CNTNAP2: variants seen among roughly 807,000 people sequenced by gnomAD.
CNTNAP2 encodes the protein contactin associated protein 2, also known as contactin-associated protein-like 2.
In CNTNAP2, 98 loss-of-function variants were observed where a neutral mutation model predicts 155.2. The observed-to-expected ratio is 0.63, with a 90% CI of 0.54 to 0.75. The LOEUF (loss-of-function observed/expected upper bound fraction) is 0.75. Among genes scored for constraint, CNTNAP2 ranks in the 30% least tolerant of loss-of-function variants. The pLI, the probability that CNTNAP2 is intolerant of heterozygous loss-of-function variation, is 0.00. For synonymous variants in CNTNAP2, 651 were observed against 631.2 expected, an observed-to-expected ratio of 1.03 and a Z score of -0.47; for missense variants, 1,727 against 1,688.1, an observed-to-expected ratio of 1.02 and a Z score of -0.40.
At chr7:146,349,061 C>T (rs1171347499) in intron 1 of CNTNAP2, among the ~76,000 whole-genome samples, 1 of 151,974 alleles carries the variant, frequency 6.6e-6, no homozygotes, top group Non-Finnish European at 1.5e-5. Context: ...AGTAAGTTAC[C>T]ACAAGGCCTG....
At chr7:146,454,772 CATAG>C (rs969150832) in intron 1 of CNTNAP2, among the ~76,000 whole-genome samples, 13 of 151,632 alleles carry the variant, frequency 8.6e-5, no homozygotes, top group Non-Finnish European at 1.5e-4. Flanking sequence ...TAGATTAGAT[CATAG>C]ATAGATAATA....
intron 1 of CNTNAP2, among the ~76,000 whole-genome samples, chr7:146,723,905 T>C (rs1294603981): frequency 6.6e-6 from 1 of 152,234 alleles, no homozygotes; most frequent in Non-Finnish European, 1.5e-5. Flanking sequence ...AGATAAAATA[T>C]GGAGGTCCCC....
chr7:146,242,262 G>A (rs1042362134), intron 1 of CNTNAP2, among the ~76,000 whole-genome samples: 16 of 152,028 alleles, frequency 1.1e-4, no homozygotes, highest in African/African-American at 1.4e-4. Context: ...AAAACAGGCC[G>A]GGCGCCGTGG....
chr7:147,941,483 A>T (rs1800720842), intron 14 of CNTNAP2, among the ~76,000 whole-genome samples: 1 of 152,132 alleles, frequency 6.6e-6, no homozygotes, highest in South Asian at 2.1e-4. Flanking sequence ...CTCACAAAAA[A>T]AGTTGTCACC....
intron 2 of CNTNAP2, among the ~76,000 whole-genome samples, chr7:146,834,436 A>G (rs1353650033): frequency 1.2e-4 from 18 of 152,108 alleles, no homozygotes; most frequent in Non-Finnish European, 2.6e-4. Flanking sequence ...ACACACGCAA[A>G]TACACAGGGG....
In CNTNAP2 at chr7:146,594,631, T is replaced by C. The variant is rs543332855; in HGVS notation, c.98-179640T>C. ...TAAAAAGTGAATTTCTTTCATGGTG[T>C]TAACTGTTGAGAAAATCTTACGCCA... is the stretch of plus-strand genomic sequence containing the variant. On this transcript the variant is annotated intron_variant, in intron 1 of 23. Transcript: ENST00000361727. Among the ~76,000 whole-genome samples the C allele has an allele frequency of 4.6e-5, 7 of 152,212 alleles. No individual in the cohort carries two copies. In the South Asian group the frequency reaches 6.2e-4, roughly 14 times the overall value.
At chr7:147,860,261 C>T (rs554920675) in intron 13 of CNTNAP2, among the ~76,000 whole-genome samples, 1 of 152,168 alleles carries the variant, frequency 6.6e-6, no homozygotes, top group South Asian at 2.1e-4. Flanking sequence ...CCCATCTCTA[C>T]TAAAAATACA....
intron 1 of CNTNAP2, among the ~76,000 whole-genome samples, chr7:146,589,545 A>G (rs2129149196): frequency 6.6e-6 from 1 of 152,156 alleles, no homozygotes; most frequent in African/African-American, 2.4e-5. Context: ...TGGGAGTTGA[A>G]CAGTGAGAAC....
intron 10 of CNTNAP2, among the ~76,000 whole-genome samples, chr7:147,418,242 T>G (rs1368046650): frequency 6.6e-6 from 1 of 152,218 alleles, no homozygotes; most frequent in African/African-American, 2.4e-5. Flanking sequence ...GTGGTTTTTG[T>G]TGTTCATAAA....
intron 9 of CNTNAP2, among the ~76,000 whole-genome samples, chr7:147,343,955 C>T (rs1481457968): frequency 1.3e-5 from 2 of 152,110 alleles, no homozygotes; most frequent in Non-Finnish European, 2.9e-5. Flanking sequence ...TATTTATTAC[C>T]TATTACCTGC....
chr7:148,304,324 T>A (rs868691178), intron 21 of CNTNAP2, among the ~76,000 whole-genome samples: 12 of 152,350 alleles, frequency 7.9e-5, no homozygotes, highest in Non-Finnish European at 1.6e-4. Flanking sequence ...ACTTCTTTTT[T>A]ACTTAGCTTT....
intron 1 of CNTNAP2, among the ~76,000 whole-genome samples, chr7:146,720,458 C>T (rs959013416): frequency 2.0e-5 from 3 of 152,104 alleles, no homozygotes; most frequent in Admixed American, 2.0e-4. Flanking sequence ...ATACTCTGCT[C>T]ATGCTGAGGC....
At chr7:146,959,715 A>G (rs1159762519) in intron 3 of CNTNAP2, among the ~76,000 whole-genome samples, 1 of 64,698 alleles carries the variant, frequency 1.5e-5, no homozygotes, top group Non-Finnish European at 2.7e-5. Flanking sequence ...GCGAGTCTCA[A>G]AAAAAAAAAA....
At chr7:146,427,379 T>C (rs1796108940) in intron 1 of CNTNAP2, among the ~76,000 whole-genome samples, 1 of 152,202 alleles carries the variant, frequency 6.6e-6, no homozygotes, top group Non-Finnish European at 1.5e-5. Flanking sequence ...ACATACATAA[T>C]ATGTAAATGA....
intron 1 of CNTNAP2, among the ~76,000 whole-genome samples, chr7:146,483,312 T>TATAC (rs1563101748): frequency 5.3e-5 from 5 of 93,650 alleles, no homozygotes; most frequent in Non-Finnish European, 1.1e-4. Context: ...TATATATATA[T>TATAC]ATATATATAT....
At chr7:148,347,492 A>G (rs1326024519) in intron 21 of CNTNAP2, among the ~76,000 whole-genome samples, 1 of 152,206 alleles carries the variant, frequency 6.6e-6, no homozygotes, top group East Asian at 1.9e-4. Context: ...GGTGTCACCT[A>G]AACCAACATC....
chr7:147,575,371 G>GGT lies in CNTNAP2; in HGVS notation c.1897+13147_1897+13148dup, dbSNP rs149655952. Among the ~76,000 whole-genome samples the GGT allele has an allele frequency of 6.2e-3, 593 of 95,874 alleles. 6 individuals are homozygous for GGT. Among genetic ancestry groups the GGT allele is most frequent in the South Asian group, 0.022 (56 of 2,542 alleles). 62.9% of individuals were successfully genotyped at this position (95,874 alleles called of 152,430 possible). On this transcript the variant is annotated intron_variant, in intron 12 of 23. Transcript: ENST00000361727. ...TGTGTGTGTATTCCCTAGCTTTAGG[G>GGT]GTGTGTGTGTGTGTGTGTGTGTGTG...
chr7:146,563,083 CT>C (rs1437617020), intron 1 of CNTNAP2, among the ~76,000 whole-genome samples: 1 of 152,124 alleles, frequency 6.6e-6, no homozygotes, highest in Non-Finnish European at 1.5e-5. Context: ...TTAAATCATT[CT>C]TATGTGACTC....
chr7:146,967,745 T>C (rs1433841901), intron 3 of CNTNAP2, among the ~76,000 whole-genome samples: 1 of 152,200 alleles, frequency 6.6e-6, no homozygotes, highest in Non-Finnish European at 1.5e-5. Context: ...TACTATCATG[T>C]CATCTGCAAA....
Sources: allele counts gnomAD v4.1 joint callset (sites outside exome capture counted in the v4.1 genomes callset), GRCh38; gene constraint gnomAD v4.1.1; transcripts MANE v1.5; gene names NCBI Gene and HGNC (gene_info 2026-07-23, HGNC 2026-07-21).